Variants in KDELR2 observed in about 807,000 individuals in gnomAD.
KDELR2 encodes KDEL endoplasmic reticulum protein retention receptor 2.
Under a neutral mutation model 23.9 loss-of-function variants are expected in KDELR2, and 15 were observed. The ratio of observed to expected loss-of-function variants is 0.63; its 90% CI spans 0.42 to 0.97. KDELR2 has a LOEUF of 0.97. Among genes scored for constraint, KDELR2 ranks in the 50% least tolerant of loss-of-function variants. KDELR2 has a pLI of 0.00. For missense variants in KDELR2, 272 were observed against 254.6 expected (o/e 1.07, Z -0.46); for synonymous variants, 119 against 106.2 (o/e 1.12, Z -0.74).
intron 1 of KDELR2, among the ~76,000 whole-genome samples, chr7:6,477,121 G>C (rs1377981690): frequency 6.6e-6 from 1 of 152,206 alleles, no homozygotes; most frequent in Non-Finnish European, 1.5e-5. Flanking sequence ...CTGTAAATAG[G>C]GCTCTGCCCT....
intron 1 of KDELR2, among the ~76,000 whole-genome samples, chr7:6,480,183 C>T (rs187672052): frequency 1.5e-4 from 23 of 152,328 alleles, no homozygotes; most frequent in African/African-American, 5.1e-4. Context: ...AGTAGATACA[C>T]ACTACTGATA....
chr7:6,474,435 T>C, intron 1 of KDELR2, 151 bp from the exon 2 acceptor site: 1 of 592,976 alleles, frequency 1.7e-6, no homozygotes, highest in South Asian at 2.2e-5. Context: ...AGAGCAGTTG[T>C]AGTTTTTCTA....
intron 2 of KDELR2, among the ~76,000 whole-genome samples, chr7:6,471,126 A>T (rs1178591258): frequency 0.3 from 33,149 of 110,516 alleles, 5,888 homozygotes; most frequent in African/African-American, 0.48. Flanking sequence ...AAAAAAATAA[A>T]AAATAAATAA....
At chr7:6,476,569 G>C (rs1785757809) in intron 1 of KDELR2, among the ~76,000 whole-genome samples, 1 of 152,166 alleles carries the variant, frequency 6.6e-6, no homozygotes, top group Non-Finnish European at 1.5e-5. Context: ...TTGTGGGAAA[G>C]GGTTTTACTC....
At chr7:6,472,189 T>G (rs1413725949) in intron 2 of KDELR2, among the ~76,000 whole-genome samples, 1 of 152,192 alleles carries the variant, frequency 6.6e-6, no homozygotes, top group Non-Finnish European at 1.5e-5. Context: ...CATCTACACA[T>G]GCACTGAGCC....
rs185829668 is a variant in KDELR2, at chr7:6,466,238, G to T, written c.437C>A (p.Thr146Asn). Reference sequence around the variant, plus strand: ...GAAGAACAGGTAGTGGGTGGTGATGGTCTCGGCCTCCCCAGTCTTGCTGAT... The same window carrying T: ...GAAGAACAGGTAGTGGGTGGTGATGTTCTCGGCCTCCCCAGTCTTGCTGAT... ...FMISKTGEAETITTHYLFFLG... is the reference protein window; with the variant it reads ...FMISKTGEAENITTHYLFFLG... Residue 146 changes from threonine to asparagine, a missense_variant, in exon 4 of 5, where the codon ACC (threonine) becomes AAC (asparagine). Thr to Asn is a moderately conservative substitution (Grantham distance 65). Transcript: ENST00000258739. The T allele has an allele frequency of 4.3e-5, 69 of 1,613,982 alleles. No individual in the cohort carries two copies. Among genetic ancestry groups the T allele is most frequent in the Non-Finnish European group, 4.4e-5 (52 of 1,180,006 alleles).
intron 2 of KDELR2, among the ~76,000 whole-genome samples, chr7:6,472,497 T>C (rs1409450399): frequency 6.6e-6 from 1 of 152,174 alleles, no homozygotes; most frequent in South Asian, 2.1e-4. Flanking sequence ...GGATTCTTGC[T>C]CACACACCTC....
intron 1 of KDELR2, among the ~76,000 whole-genome samples, chr7:6,480,268 A>C (rs549941406): frequency 1.1e-4 from 16 of 152,366 alleles, no homozygotes; most frequent in Non-Finnish European, 2.1e-4. Context: ...ATTGGCCTAC[A>C]GGAAAATTTG....
At chr7:6,482,918 T>G (rs1469939321) in intron 1 of KDELR2, among the ~76,000 whole-genome samples, 1 of 151,144 alleles carries the variant, frequency 6.6e-6, no homozygotes, top group East Asian at 1.9e-4. Context: ...GGCAGGAGGA[T>G]TACCTGAGCC....
Position 6,466,323 on chromosome 7 carries a change from T to C in KDELR2, c.352A>G (p.Ile118Val), listed in dbSNP as rs1258129859. Reference sequence around the variant, plus strand: ...AGGTAGATGGAGAAGGTCCAGAGGATCTGGAAGAGAAATGGCAAGCTTCCA... The same window carrying C: ...AGGTAGATGGAGAAGGTCCAGAGGACCTGGAAGAGAAATGGCAAGCTTCCA... ...LVNHDFSPLE[I>V]LWTFSIYLES... Residue 118 changes from isoleucine to valine, a missense_variant and splice_region_variant, in exon 4 of 5, where the codon ATC (isoleucine) becomes GTC (valine). Physicochemically the swap from Ile to Val is conservative, Grantham distance 29. Coordinates refer to ENST00000258739, the MANE Select transcript of KDELR2 (RefSeq NM_006854.4). 6.2e-7 allele frequency: 1 copy of C among 1,612,766 alleles called. No homozygotes were observed. The highest frequency in any genetic ancestry group is 1.7e-5 in the Admixed American group (1 of 59,978).
At chr7:6,478,761 T>G (rs1370721187) in intron 1 of KDELR2, among the ~76,000 whole-genome samples, 2 of 152,146 alleles carry the variant, frequency 1.3e-5, no homozygotes, top group East Asian at 3.9e-4. Flanking sequence ...ATCTTCTATG[T>G]CCATCAGCAA....
intron 4 of KDELR2, among the ~76,000 whole-genome samples, chr7:6,464,590 G>A (rs1785459837): frequency 6.6e-6 from 1 of 152,106 alleles, no homozygotes; most frequent in Non-Finnish European, 1.5e-5. Flanking sequence ...TACTCGGGAG[G>A]CTGAGACAGC....
At chr7:6,478,204 AG>A (rs1436852014) in intron 1 of KDELR2, among the ~76,000 whole-genome samples, 1 of 151,052 alleles carries the variant, frequency 6.6e-6, no homozygotes, top group Non-Finnish European at 1.5e-5. Flanking sequence ...TGCCCAACCC[AG>A]GGTATAATGG....
intron 1 of KDELR2, among the ~76,000 whole-genome samples, chr7:6,476,840 G>C (rs1409676729): frequency 6.6e-6 from 1 of 152,154 alleles, no homozygotes; most frequent in Admixed American, 6.6e-5. Flanking sequence ...ACACTGTGAT[G>C]ATGTGGTTCC....
chr7:6,474,215 G>A lies in KDELR2; in HGVS notation c.161C>T (p.Ser54Leu), dbSNP rs756987091. Reference sequence around the variant, plus strand: ...AGATGTGTTATACAATGAAATAAATGAAGTAAAAAGATCCAGGTAACGAGT... The same window carrying A: ...AGATGTGTTATACAATGAAATAAATAAAGTAAAAAGATCCAGGTAACGAGT... ...FTTRYLDLFT[S>L]FISLYNTSMK... The change falls in exon 2 of 5, where the codon TCA (serine) becomes TTA (leucine). Residue 54 changes from serine to leucine, a missense_variant. Coordinates refer to ENST00000258739, the MANE Select transcript of KDELR2 (RefSeq NM_006854.4). 6.2e-7 allele frequency: 1 copy of A among 1,613,098 alleles called. No homozygotes were observed. Among genetic ancestry groups the A allele is most frequent in the Non-Finnish European group, 8.5e-7 (1 of 1,179,084 alleles).
intron 1 of KDELR2, chr7:6,482,597 C>T: frequency 2.1e-6 from 1 of 470,332 alleles, no homozygotes; most frequent in Non-Finnish European, 4.4e-6. Context: ...GGCCTGCAGA[C>T]AGCAGATTCA....
intron 2 of KDELR2, among the ~76,000 whole-genome samples, chr7:6,472,808 T>C (rs552752002): frequency 8.6e-5 from 13 of 151,906 alleles, no homozygotes; most frequent in African/African-American, 1.4e-4. Flanking sequence ...CCTAGAATAG[T>C]GCCTGGTGCA....
chr7:6,475,343 C>T (rs771993879), intron 1 of KDELR2, among the ~76,000 whole-genome samples: 3 of 152,234 alleles, frequency 2.0e-5, no homozygotes, highest in South Asian at 2.1e-4. Flanking sequence ...GGGAGGATTG[C>T]GTGACTCCAG....
rs747667803 is a variant in KDELR2 at position 6,466,085 on chromosome 7, A to G, written c.590T>C (p.Leu197Ser). 2 of 1,614,124 alleles carry G rather than the reference A, an allele frequency of 1.2e-6. No individual in the cohort carries two copies. The change falls in exon 4 of 5, where the codon TTG (leucine) becomes TCG (serine). Residue 197 changes from leucine (L) to serine (S), a missense_variant. Leu to Ser is a moderately radical substitution (Grantham distance 145). Coordinates refer to ENST00000258739, the MANE Select transcript of KDELR2 (RefSeq NM_006854.4). The part of the protein sequence containing the change: ...QTILYCDFFY[L>S]YITKVLKGKK... The stretch of plus-strand genomic sequence containing the variant: ...ACCCAACATACCTTTTGTAATGTAC[A>G]AGTAGAAGAAGTCACAGTATAGGAT...
Sources: gnomAD v4.1 joint callset for allele counts (sites outside exome capture counted in the v4.1 genomes callset) on GRCh38, gnomAD v4.1.1 for gene constraint, MANE v1.5 for transcripts, NCBI Gene and HGNC (gene_info 2026-07-23, HGNC 2026-07-21) for gene names.